The following CMTM3 variants were observed in gnomAD, a reference collection of about 807,000 sequenced individuals.
The protein encoded by CMTM3 is CKLF-like MARVEL transmembrane domain-containing protein 3.
CMTM3 carries 7 observed loss-of-function variants against 18.2 expected under a neutral mutation model. The observed-to-expected ratio is 0.38, with a 90% confidence interval of 0.22 to 0.72. The LOEUF is 0.72. Among genes scored for constraint, CMTM3 ranks in the 30% least tolerant of loss-of-function variants. The pLI, the probability that CMTM3 is intolerant of heterozygous loss-of-function variation, is 0.46. For synonymous variants in CMTM3, 109 were observed against 111.2 expected, an observed-to-expected ratio of 0.98 and a Z score of 0.12; for missense variants, 227 against 249.2, an observed-to-expected ratio of 0.91 and a Z score of 0.60.
At position 66,608,432 on chromosome 16, in the gene CMTM3, GA is replaced by G; in HGVS notation, c.272del (p.Asp91AlafsTer10). On this transcript the variant is annotated frameshift_variant, in exon 2 of 5. Transcript: ENST00000567572. LOFTEE classifies it high-confidence loss of function. This position sits in a 1 kb window ranked among gnomAD's most constrained non-coding sequence, Gnocchi z 5.1. Reference sequence around the variant, plus strand: ...CTTTGCTGATGCCATGCAGCTGAATGACAAGTGGCAGGGCTTGTGCTGGCCC... The same window carrying G: ...CTTTGCTGATGCCATGCAGCTGAATGCAAGTGGCAGGGCTTGTGCTGGCCC... ...FLFADAMQLN[D>X]KWQGLCWPMM... 6.2e-7 allele frequency: 1 copy of G among 1,614,160 alleles called. No homozygotes were observed. The highest frequency in any genetic ancestry group is 8.5e-7 in the Non-Finnish European group (1 of 1,180,040).
Position 66,604,713 on chromosome 16 carries a change from T to C in CMTM3, c.-93T>C, listed in dbSNP as rs893110700. On this transcript the variant is annotated 5_prime_UTR_variant, in exon 1 of 5. Transcript: ENST00000567572. ...CGCCCCTGCGCGAGCCAGTGTCGCC[T>C]GCCCTCCTTCCGCACAGCCCGGGTT... 3.9e-6 allele frequency: 4 copies of C among 1,013,042 alleles called. No individual in the cohort carries two copies. The highest frequency in any genetic ancestry group is 5.0e-6 in the Non-Finnish European group (4 of 797,020). 62.8% of individuals were successfully genotyped at this position (1,013,042 alleles called of 1,614,324 possible). A position where few individuals can be genotyped will look rare whatever the true frequency, so the allele number is the denominator to read the frequency against.
intron 1 of CMTM3, among the ~76,000 whole-genome samples, chr16:66,606,977 G>C (rs1477189937): frequency 6.6e-6 from 1 of 152,230 alleles, no homozygotes; most frequent in African/African-American, 2.4e-5. Flanking sequence ...CTGGGAGACG[G>C]AGCAAGACTC....
chr16:66,604,470 TA>T (rs1367665154), upstream of CMTM3: 2 of 207,228 alleles, frequency 9.7e-6, no homozygotes, highest in African/African-American at 4.6e-5. Flanking sequence ...CCCTTCTGGA[TA>T]GGGGCAGACG....
rs1289626672 is a variant in CMTM3, at chr16:66,610,649, TGA to T, written c.520+650_520+651del. Among the ~76,000 whole-genome samples, 1 of 152,106 alleles carries T rather than the reference TGA, an allele frequency of 6.6e-6. No homozygotes were observed. The highest frequency in any genetic ancestry group is 1.5e-5 in the Non-Finnish European group (1 of 68,012). Reference sequence around the variant, plus strand: ...ACCAGGCCGGTGTAGGGAAGAAGGCTGAGAGCAGAGACAGCAGGCGCTTCTGC... The same window carrying T: ...ACCAGGCCGGTGTAGGGAAGAAGGCTGAGCAGAGACAGCAGGCGCTTCTGC... On this transcript the variant is annotated intron_variant, in intron 4 of 4. Transcript: ENST00000567572. The surrounding 1 kb of genome is among the most constrained non-coding windows in gnomAD (Gnocchi z 4.6).
Position 66,610,069 on chromosome 16 carries a change from A to T in CMTM3, c.520+66A>T. The T allele has an allele frequency of 6.3e-7, 1 of 1,590,550 alleles. No homozygotes were observed. The highest frequency in any genetic ancestry group is 8.6e-7 in the Non-Finnish European group (1 of 1,165,624). ...GGGCCTGCCCTCCCTCGGGGATGCC[A>T]GCTAGTTTGAGGCTGGGGTGGGATC... On this transcript the variant is annotated intron_variant, in intron 4 of 4. Coordinates refer to ENST00000567572, the MANE Select transcript of CMTM3 (RefSeq NM_181553.4). This position sits in a 1 kb window ranked among gnomAD's most constrained non-coding sequence, Gnocchi z 4.6.
At chr16:66,607,457 C>G (rs1208752428) in intron 1 of CMTM3, among the ~76,000 whole-genome samples, 1 of 152,176 alleles carries the variant, frequency 6.6e-6, no homozygotes, top group Non-Finnish European at 1.5e-5. Context: ...CATTAAAACT[C>G]CAAAAGATTT....
In CMTM3 at chr16:66,604,789, C is replaced by T; in HGVS notation, c.-17C>T. 8.0e-7 allele frequency: 1 copy of T among 1,246,118 alleles called. No homozygotes were observed. Among genetic ancestry groups the T allele is most frequent in the South Asian group, 3.4e-5 (1 of 29,712 alleles). The allele number at this position is 1,246,118 out of a possible 1,614,324, so 77.2% of individuals were successfully genotyped here. On this transcript the variant is annotated 5_prime_UTR_variant, in exon 1 of 5. Transcript: ENST00000567572. ...AGGGGAGCCAGGCCGAGCCCCGGCC[C>T]TACCGCCGCCGCCGCCATGTGGCCC...
chr16:66,606,115 A>T (rs1481542316), intron 1 of CMTM3, among the ~76,000 whole-genome samples: 1 of 151,772 alleles, frequency 6.6e-6, no homozygotes, highest in Non-Finnish European at 1.5e-5. Flanking sequence ...AGATGTCAGG[A>T]ATCCAGGTCA....
Position 66,609,921 on chromosome 16 carries a change from T to C in CMTM3, c.438T>C (p.Asp146=), listed in dbSNP as rs750003419. ...TTGCTACCATCGTGTTTGCAACTGA[T>C]TTCTACCTGATCTTTAACGACGTGG... ...GFFATIVFAT[D]FYLIFNDVAK... is the part of the protein sequence containing the mutation. Residue 146 remains aspartate, a synonymous_variant, in exon 4 of 5, where the codon GAT becomes GAC. Coordinates refer to ENST00000567572, the MANE Select transcript of CMTM3 (RefSeq NM_181553.4). This position sits in a 1 kb window ranked among gnomAD's most constrained non-coding sequence, Gnocchi z 4.4. 1.2e-6 allele frequency: 2 copies of C among 1,614,144 alleles called. No homozygotes were observed. The highest frequency in any genetic ancestry group is 1.7e-6 in the Non-Finnish European group (2 of 1,180,022).
chr16:66,604,734 G>A lies in CMTM3; in HGVS notation c.-72G>A. On this transcript the variant is annotated 5_prime_UTR_variant, in exon 1 of 5. Coordinates refer to ENST00000567572, the MANE Select transcript of CMTM3 (RefSeq NM_181553.4). ...CGCCTGCCCTCCTTCCGCACAGCCC[G>A]GGTTTCCGCTTCCCTCCGGGCGCGA... 1 of 1,151,070 alleles carries A rather than the reference G, an allele frequency of 8.7e-7. No homozygotes were observed. Among genetic ancestry groups the A allele is most frequent in the Non-Finnish European group, 1.1e-6 (1 of 920,292 alleles). The allele number at this position is 1,151,070 out of a possible 1,614,324, so 71.3% of individuals were successfully genotyped here.
Position 66,612,965 on chromosome 16 carries a change from C to A in CMTM3, c.*328C>A, listed in dbSNP as rs1484184015. On this transcript the variant is annotated 3_prime_UTR_variant, in exon 5 of 5. Transcript: ENST00000567572. The surrounding 1 kb of genome is among the most constrained non-coding windows in gnomAD (Gnocchi z 6.0). ...AAGCAGAGCCTTGTCTGTATCTGGG[C>A]AGCAGGTGTTCCATGCTGCTAGGTG... 2 of 683,032 alleles carry A rather than the reference C, an allele frequency of 2.9e-6. No individual in the cohort carries two copies. Among genetic ancestry groups the A allele is most frequent in the Admixed American group, 2.1e-5 (1 of 47,950 alleles). 42.3% of individuals were successfully genotyped at this position (683,032 alleles called of 1,614,324 possible). A position where few individuals can be genotyped will look rare whatever the true frequency, so the allele number is the denominator to read the frequency against.
Position 66,609,299 on chromosome 16 carries a change from T to C in CMTM3, c.304-136T>C. On this transcript the variant is annotated intron_variant, in intron 2 of 4. Coordinates refer to ENST00000567572, the MANE Select transcript of CMTM3 (RefSeq NM_181553.4). The surrounding 1 kb of genome is among the most constrained non-coding windows in gnomAD (Gnocchi z 4.4). ...CGGGGGTGGGACAAGGGCCTAGGCATGTGGGTGGGGCCAGGATGGGATAGG... is the reference window on the plus strand; with the variant it reads ...CGGGGGTGGGACAAGGGCCTAGGCACGTGGGTGGGGCCAGGATGGGATAGG... 2.8e-6 allele frequency: 2 copies of C among 703,918 alleles called. No homozygotes were observed. Among genetic ancestry groups the C allele is most frequent in the South Asian group, 1.7e-5 (1 of 57,680 alleles). The allele number at this position is 703,918 out of a possible 1,614,324, so 43.6% of individuals were successfully genotyped here.
At chr16:66,611,224 G>A (rs1323290869) in intron 4 of CMTM3, among the ~76,000 whole-genome samples, 1 of 152,158 alleles carries the variant, frequency 6.6e-6, no homozygotes, top group Non-Finnish European at 1.5e-5. Flanking sequence ...AGGCCGAGAC[G>A]GGTGGATCAC....
chr16:66,605,084 G>A lies in CMTM3; in HGVS notation c.147+132G>A, dbSNP rs956186672. ...ACCCCCTCTCCGCGCCGCCTCGGCC[G>A]ACTTCTCTCGGGCGCCTGGCGAAGT... On this transcript the variant is annotated intron_variant, in intron 1 of 4. Transcript: ENST00000567572. The surrounding 1 kb of genome is among the most constrained non-coding windows in gnomAD (Gnocchi z 4.6). The A allele has an allele frequency of 6.7e-5, 59 of 874,186 alleles. 1 individual carries two copies. Among genetic ancestry groups the A allele is most frequent in the Admixed American group, 8.8e-5 (2 of 22,704 alleles). 54.2% of individuals were successfully genotyped at this position (874,186 alleles called of 1,614,324 possible). A position where few individuals can be genotyped will look rare whatever the true frequency, so the allele number is the denominator to read the frequency against.
chr16:66,612,480 G>A lies in CMTM3; in HGVS notation c.521-129G>A, dbSNP rs547482336. 1.6e-4 allele frequency: 142 copies of A among 893,106 alleles called. 2 individuals are homozygous for A. In the South Asian group the frequency reaches 2.0e-3, roughly 13 times the overall value. 55.3% of individuals were successfully genotyped at this position (893,106 alleles called of 1,614,324 possible). ...CCTGATGCCAGCGATCACTGGGAACGGTAGAGTCAGCTGCAGGAGGCCTGC... is the reference window on the plus strand; with the variant it reads ...CCTGATGCCAGCGATCACTGGGAACAGTAGAGTCAGCTGCAGGAGGCCTGC... On this transcript the variant is annotated intron_variant, in intron 4 of 4. Coordinates refer to ENST00000567572, the MANE Select transcript of CMTM3 (RefSeq NM_181553.4). This position sits in a 1 kb window ranked among gnomAD's most constrained non-coding sequence, Gnocchi z 6.0.
rs2015130088 is a variant in CMTM3 at position 66,605,846 on chromosome 16, G to A, written c.147+894G>A. Among the ~76,000 whole-genome samples, 2 of 152,288 alleles carry A rather than the reference G, an allele frequency of 1.3e-5. No individual in the cohort carries two copies. Among genetic ancestry groups the A allele is most frequent in the South Asian group, 2.1e-4 (1 of 4,832 alleles). On this transcript the variant is annotated intron_variant, in intron 1 of 4. Coordinates refer to ENST00000567572, the MANE Select transcript of CMTM3 (RefSeq NM_181553.4). The surrounding 1 kb of genome is among the most constrained non-coding windows in gnomAD (Gnocchi z 4.6). Reference sequence around the variant, plus strand: ...GACCTCTCCCTGGTCACTCAGGGCAGAGGGCAGAAGGTGGTCCTGCAGCCT... The same window carrying A: ...GACCTCTCCCTGGTCACTCAGGGCAAAGGGCAGAAGGTGGTCCTGCAGCCT...
Position 66,609,610 on chromosome 16 carries a change from T to C in CMTM3, c.399+80T>C. 2.6e-6 allele frequency: 4 copies of C among 1,519,346 alleles called. No homozygotes were observed. Among genetic ancestry groups the C allele is most frequent in the Non-Finnish European group, 3.6e-6 (4 of 1,122,178 alleles). 94.1% of individuals were successfully genotyped at this position (1,519,346 alleles called of 1,614,324 possible). A position where few individuals can be genotyped will look rare whatever the true frequency, so the allele number is the denominator to read the frequency against. On this transcript the variant is annotated intron_variant, in intron 3 of 4. Transcript: ENST00000567572. This position sits in a 1 kb window ranked among gnomAD's most constrained non-coding sequence, Gnocchi z 4.4. Reference sequence around the variant, plus strand: ...TTAGGGTGGGACCTGGGGCAGAGCCTTTCCCTGCTGGGGCCCCCCTGGGGT... The same window carrying C: ...TTAGGGTGGGACCTGGGGCAGAGCCCTTCCCTGCTGGGGCCCCCCTGGGGT...
In CMTM3 at chr16:66,609,413, C is replaced by T. The variant is rs1373364932; in HGVS notation, c.304-22C>T. ...TGTGCTCAGCTCCAGGGGCTCAGGG[C>T]AGCATGCCCCTCTCTCCCCAGGACT... On this transcript the variant is annotated intron_variant, in intron 2 of 4. Coordinates refer to ENST00000567572, the MANE Select transcript of CMTM3 (RefSeq NM_181553.4). The surrounding 1 kb of genome is among the most constrained non-coding windows in gnomAD (Gnocchi z 4.4). The T allele has an allele frequency of 4.4e-6, 7 of 1,602,372 alleles. No homozygotes were observed. The highest frequency in any genetic ancestry group is 1.7e-5 in the Admixed American group (1 of 59,542).
Position 66,605,104 on chromosome 16 carries a change from C to A in CMTM3, c.147+152C>A. 2.6e-6 allele frequency: 2 copies of A among 769,714 alleles called. No homozygotes were observed. Among genetic ancestry groups the A allele is most frequent in the Non-Finnish European group, 3.6e-6 (2 of 548,410 alleles). 47.7% of individuals were successfully genotyped at this position (769,714 alleles called of 1,614,324 possible). ...CGGCCGACTTCTCTCGGGCGCCTGGCGAAGTTGGGTCGAGGTCCCCAAACT... is the reference window on the plus strand; with the variant it reads ...CGGCCGACTTCTCTCGGGCGCCTGGAGAAGTTGGGTCGAGGTCCCCAAACT... On this transcript the variant is annotated intron_variant, in intron 1 of 4. Coordinates refer to ENST00000567572, the MANE Select transcript of CMTM3 (RefSeq NM_181553.4). This position sits in a 1 kb window ranked among gnomAD's most constrained non-coding sequence, Gnocchi z 4.6.
Sources: gnomAD v4.1 joint callset for allele counts (sites outside exome capture counted in the v4.1 genomes callset) on GRCh38, gnomAD v4.1.1 for gene constraint, Gnocchi (gnomAD v3.1) non-coding constraint, MANE v1.5 for transcripts, NCBI Gene and HGNC (gene_info 2026-07-23, HGNC 2026-07-21) for gene names.